The following KLHL20 variants were observed in gnomAD, a reference collection of about 807,000 sequenced individuals.
The protein encoded by KLHL20 is kelch-like protein 20.
KLHL20 carries 29 observed loss-of-function variants against 69.5 expected under a neutral mutation model. The ratio of observed to expected loss-of-function variants is 0.42; its 90% CI spans 0.31 to 0.57. KLHL20 has a LOEUF of 0.57. Ranked by LOEUF, KLHL20 falls within the 20% of genes least tolerant of loss-of-function variation. The pLI, the probability that KLHL20 is intolerant of heterozygous loss-of-function variation, is 0.18. For missense variants in KLHL20, 419 were observed against 776.0 expected (o/e 0.54, Z 5.47); for synonymous variants, 253 against 265.2 (o/e 0.95, Z 0.45).
At chr1:173,746,025 A>AC in intron 3 of KLHL20, among the ~76,000 whole-genome samples, 2 of 152,052 alleles carry the variant, frequency 1.3e-5, no homozygotes, top group Admixed American at 6.6e-5. Flanking sequence ...TATTAGGAGC[A>AC]GTGTTGAATT....
intron 10 of KLHL20, among the ~76,000 whole-genome samples, chr1:173,781,472 C>T (rs536027647): frequency 1.3e-5 from 2 of 152,114 alleles, no homozygotes; most frequent in Admixed American, 6.5e-5. Context: ...TGCCCCACCA[C>T]ACCCAGCTAA....
At chr1:173,746,278 A>T (rs995193863) in intron 3 of KLHL20, among the ~76,000 whole-genome samples, 6 of 152,204 alleles carry the variant, frequency 3.9e-5, no homozygotes, top group Non-Finnish European at 5.9e-5. Context: ...AAGTATGAAT[A>T]TTATACTTCA....
At chr1:173,749,204 T>C (rs1013733831) in intron 3 of KLHL20, among the ~76,000 whole-genome samples, 2 of 152,224 alleles carry the variant, frequency 1.3e-5, no homozygotes, top group African/African-American at 4.8e-5. Flanking sequence ...GCTTAATTCA[T>C]ACAGTGTTGC....
At chr1:173,750,382 G>A (rs545379724) in intron 3 of KLHL20, among the ~76,000 whole-genome samples, 69 of 152,030 alleles carry the variant, frequency 4.5e-4, no homozygotes, top group African/African-American at 1.5e-3. Flanking sequence ...CACCTACGGC[G>A]TACTGCAGCC....
At chr1:173,749,405 TTA>T (rs1673207872) in intron 3 of KLHL20, among the ~76,000 whole-genome samples, 4 of 152,342 alleles carry the variant, frequency 2.6e-5, no homozygotes, top group Admixed American at 2.6e-4. Context: ...CGTGTGGGGC[TTA>T]GAGTTCAGAT....
At chr1:173,728,980 GCAAGAC>G (rs1672116833) in intron 2 of KLHL20, among the ~76,000 whole-genome samples, 1 of 152,088 alleles carries the variant, frequency 6.6e-6, no homozygotes, top group Non-Finnish European at 1.5e-5. Flanking sequence ...TAGACCGCTA[GCAAGAC>G]TAATAAAGAA....
chr1:173,724,507 T>C (rs1671861623), intron 2 of KLHL20, among the ~76,000 whole-genome samples: 1 of 152,224 alleles, frequency 6.6e-6, no homozygotes, highest in Admixed American at 6.5e-5. Context: ...GAGGCATAGA[T>C]TGTCTTTTCT....
intron 7 of KLHL20, among the ~76,000 whole-genome samples, chr1:173,764,297 A>G (rs935766381): frequency 7.9e-5 from 12 of 152,224 alleles, no homozygotes; most frequent in African/African-American, 2.7e-4. Context: ...TAGTACAGCC[A>G]CTATGGAAAA....
intron 2 of KLHL20, among the ~76,000 whole-genome samples, chr1:173,721,353 A>G (rs1002115549): frequency 2.6e-5 from 4 of 152,350 alleles, no homozygotes; most frequent in Middle Eastern, 6.8e-3. Flanking sequence ...TGATTTGACT[A>G]TTCCCTAGTG....
At chr1:173,739,865 T>C (rs975256548) in intron 3 of KLHL20, among the ~76,000 whole-genome samples, 1 of 151,602 alleles carries the variant, frequency 6.6e-6, no homozygotes, top group African/African-American at 2.4e-5. Context: ...AGTCTCGAAC[T>C]CCTGACCTCA....
chr1:173,771,586 T>C (rs1400516576), intron 8 of KLHL20, among the ~76,000 whole-genome samples: 1 of 152,098 alleles, frequency 6.6e-6, no homozygotes, highest in Admixed American at 6.6e-5. Flanking sequence ...TAAGACCCTA[T>C]ATGTTAAAAA....
At position 173,785,269 on chromosome 1, in the gene KLHL20, A is replaced by G. The variant is rs1381228919; in HGVS notation, c.*22A>G. ...GTGAACACAGAGAAGACAGTCTTGTATATATTCCTCTGTATTCTGGGGAGC... is the reference window on the plus strand; with the variant it reads ...GTGAACACAGAGAAGACAGTCTTGTGTATATTCCTCTGTATTCTGGGGAGC... On this transcript the variant is annotated 3_prime_UTR_variant, in exon 12 of 12. Transcript: ENST00000209884. The G allele has an allele frequency of 2.6e-6, 4 of 1,551,768 alleles. No individual in the cohort carries two copies. The highest frequency in any genetic ancestry group is 1.7e-4 in the Middle Eastern group (1 of 5,916).
intron 10 of KLHL20, among the ~76,000 whole-genome samples, chr1:173,777,856 A>G (rs1436079719): frequency 6.6e-6 from 1 of 152,086 alleles, no homozygotes; most frequent in Non-Finnish European, 1.5e-5. Flanking sequence ...CATTGAGGAT[A>G]TTGGACTGTA....
intron 3 of KLHL20, among the ~76,000 whole-genome samples, chr1:173,743,574 G>C (rs1450194848): frequency 6.6e-6 from 1 of 150,622 alleles, no homozygotes; most frequent in Non-Finnish European, 1.5e-5. Context: ...TCTACATTCT[G>C]CTATAAGAAA....
At chr1:173,723,921 T>C (rs928092195) in intron 2 of KLHL20, among the ~76,000 whole-genome samples, 12 of 152,148 alleles carry the variant, frequency 7.9e-5, no homozygotes, top group African/African-American at 2.9e-4. Context: ...TGATAGGCTA[T>C]ACCTGTGAGA....
rs746523298 is a variant in KLHL20 at position 173,733,021 on chromosome 1, C to CTT, written c.24-673_24-672dup. 5.1e-3 allele frequency among the ~76,000 whole-genome samples: 645 copies of CTT among 125,730 alleles called. 20 individuals are homozygous for CTT. Among genetic ancestry groups the CTT allele is most frequent in the East Asian group, 0.013 (58 of 4,316 alleles). The allele number at this position is 125,730 out of a possible 152,430, so 82.5% of individuals were successfully genotyped here. On this transcript the variant is annotated intron_variant, in intron 2 of 11. Coordinates refer to ENST00000209884, the MANE Select transcript of KLHL20 (RefSeq NM_014458.4). ...ATATAAAGATAAACTTCAATCCAGA[C>CTT]TTTTTTTTTTTTTTTTTTTTGAGAC...
chr1:173,744,800 C>A (rs546628297), intron 3 of KLHL20, among the ~76,000 whole-genome samples: 1 of 152,124 alleles, frequency 6.6e-6, no homozygotes, highest in Non-Finnish European at 1.5e-5. Context: ...GGCCATATAC[C>A]AGTATGATAC....
intron 3 of KLHL20, among the ~76,000 whole-genome samples, chr1:173,740,116 C>CT (rs1482289956): frequency 1.4e-5 from 2 of 142,416 alleles, no homozygotes; most frequent in African/African-American, 2.6e-5. Flanking sequence ...TTTATCATTT[C>CT]TTTTTTCTTT....
chr1:173,738,555 C>T (rs748296552), intron 3 of KLHL20, among the ~76,000 whole-genome samples: 7 of 152,142 alleles, frequency 4.6e-5, no homozygotes, highest in Non-Finnish European at 8.8e-5. Context: ...TGAAAGTGGG[C>T]ATCTTTGTCT....
Sources: allele counts gnomAD v4.1 joint callset (sites outside exome capture counted in the v4.1 genomes callset), GRCh38; gene constraint gnomAD v4.1.1; transcripts MANE v1.5; gene names NCBI Gene and HGNC (gene_info 2026-07-23, HGNC 2026-07-21).